Variants in KRABD4 observed in about 807,000 individuals in gnomAD.
The protein encoded by KRABD4 is KRAB domain containing 4.
the KRABD4 span, among the ~76,000 whole-genome samples, chrX:46,465,837 C>T: frequency 1.8e-5 from 2 of 111,432 alleles, no homozygotes; most frequent in Non-Finnish European, 3.8e-5. Flanking sequence ...AAATAGGAGA[C>T]GGCAATGAGC....
chrX:46,457,004 T>C, the KRABD4 span: 1 of 302,356 alleles, frequency 3.3e-6, no homozygotes, highest in Non-Finnish European at 6.0e-6. Flanking sequence ...GTGGAGTTTA[T>C]GTTCACCGAG....
At chrX:46,463,170 G>C in the KRABD4 span, 1 of 1,191,940 alleles carries the variant, frequency 8.4e-7, no homozygotes, top group African/African-American at 1.8e-5. Flanking sequence ...CATTAATAAC[G>C]AAGTCCTATG....
the KRABD4 span, among the ~76,000 whole-genome samples, chrX:46,460,547 C>T: frequency 9.3e-6 from 1 of 107,528 alleles, no homozygotes; most frequent in African/African-American, 3.5e-5. Flanking sequence ...TCTCTGGACT[C>T]ACTACCATCC....
At chrX:46,447,752 G>A in the KRABD4 span, among the ~76,000 whole-genome samples, 17 of 112,442 alleles carry the variant, frequency 1.5e-4, no homozygotes, top group South Asian at 6.0e-3. Flanking sequence ...AAATGGCTCA[G>A]TGTGGCTTGA....
At chrX:46,452,267 A>AT in the KRABD4 span, among the ~76,000 whole-genome samples, 2 of 103,351 alleles carry the variant, frequency 1.9e-5, no homozygotes, top group South Asian at 8.8e-4. Flanking sequence ...GTTACAGTAC[A>AT]TCCTGGTCTT....
At chrX:46,470,666 T>G in the KRABD4 span, among the ~76,000 whole-genome samples, 1 of 110,125 alleles carries the variant, frequency 9.1e-6, no homozygotes, top group Non-Finnish European at 1.9e-5. Flanking sequence ...TCTTTATTTC[T>G]AATATATGCA....
chrX:46,457,082 AT>A, the KRABD4 span: 4 of 383,034 alleles, frequency 1.0e-5, no homozygotes, highest in Admixed American at 4.0e-5. Context: ...TCCGTGGCGC[AT>A]TTTTCTGTTT....
At chrX:46,455,426 C>G in the KRABD4 span, 1 of 447,221 alleles carries the variant, frequency 2.2e-6, no homozygotes, top group Middle Eastern at 3.7e-4. Context: ...ATCAAAGTTA[C>G]CACTGTACAG....
At chrX:46,467,888 C>T in the KRABD4 span, among the ~76,000 whole-genome samples, 2 of 111,791 alleles carry the variant, frequency 1.8e-5, no homozygotes, top group Non-Finnish European at 3.8e-5. Context: ...TTGTTTTGTT[C>T]ATAACAGTAT....
the KRABD4 span, among the ~76,000 whole-genome samples, chrX:46,458,593 C>T: frequency 6.2e-5 from 7 of 112,153 alleles, no homozygotes; most frequent in African/African-American, 2.3e-4. Flanking sequence ...TAGATAAGAG[C>T]CACTGTGGAT....
chrX:46,473,753 C>T, the KRABD4 span: 1 of 158,925 alleles, frequency 6.3e-6, no homozygotes, highest in Admixed American at 7.5e-5. Flanking sequence ...CTCTTGGGTT[C>T]AACCGATTCT....
the KRABD4 span, chrX:46,473,663 T>C: frequency 3.7e-6 from 1 of 273,323 alleles, no homozygotes; most frequent in African/African-American, 2.8e-5. Flanking sequence ...ATCTTTTTTT[T>C]TTTTTTTTTG....
the KRABD4 span, chrX:46,463,064 C>T: frequency 1.0e-6 from 1 of 955,978 alleles, no homozygotes; most frequent in South Asian, 2.3e-5. Flanking sequence ...CCCTTGCTTG[C>T]TATGTGAATG....
the KRABD4 span, chrX:46,462,566 T>A: frequency 1.4e-6 from 1 of 734,707 alleles, no homozygotes; most frequent in Non-Finnish European, 2.0e-6. Flanking sequence ...CCGTGTGGAT[T>A]CGACTCCCCT....
At chrX:46,454,578 C>T in the KRABD4 span, among the ~76,000 whole-genome samples, 2 of 110,891 alleles carry the variant, frequency 1.8e-5, no homozygotes, top group South Asian at 3.8e-4. Context: ...CCGAGGCAGG[C>T]GGATCACAAG....
chrX:46,473,389 C>G, the KRABD4 span: 48 of 1,196,253 alleles, frequency 4.0e-5, no homozygotes, highest in African/African-American at 7.7e-4. Context: ...TCTGATTAAA[C>G]ATAAGAAAAT....
chrX:46,460,446 G>A, the KRABD4 span, among the ~76,000 whole-genome samples: 18 of 109,080 alleles, frequency 1.7e-4, 1 homozygote, highest in Admixed American at 8.8e-4. Flanking sequence ...GGGGCAGGGG[G>A]GTGGATATTA....
chrX:46,452,282 G>T, the KRABD4 span, among the ~76,000 whole-genome samples: 1 of 97,007 alleles, frequency 1.0e-5, no homozygotes, highest in Non-Finnish European at 2.2e-5. Flanking sequence ...GGTCTTTCTG[G>T]TCCTTTTTTT....
At chrX:46,449,337 T>C in the KRABD4 span, among the ~76,000 whole-genome samples, 1 of 111,804 alleles carries the variant, frequency 8.9e-6, no homozygotes, top group African/African-American at 3.3e-5. Context: ...TCTGAGCCCC[T>C]GTTGGGCTCC....
Sources: gnomAD v4.1 joint callset for allele counts (sites outside exome capture counted in the v4.1 genomes callset) on GRCh38, gnomAD v4.1.1 for gene constraint, MANE v1.5 for transcripts, NCBI Gene and HGNC (gene_info 2026-07-23, HGNC 2026-07-21) for gene names.